The following EPHA6 variants were observed in gnomAD, a reference collection of about 807,000 sequenced individuals.
EPHA6 encodes the protein ephrin type-A receptor 6.
A neutral mutation model predicts 112.0 loss-of-function variants in EPHA6; 50 were observed. That is an observed-to-expected ratio of 0.45 (90% CI 0.36 to 0.56). EPHA6 has a LOEUF of 0.56. EPHA6 is among the 20% of genes least tolerant of loss of function. The probability of loss-of-function intolerance (pLI) is 0.00; values close to 1 mark genes in which losing one functional copy is unlikely to be tolerated. For missense variants in EPHA6, 1,280 were observed against 1,417.4 expected, an observed-to-expected ratio of 0.90 and a Z score of 1.56; for synonymous variants, 529 against 490.7, an observed-to-expected ratio of 1.08 and a Z score of -1.03.
rs143037411 is a variant in EPHA6, at chr3:97,212,683, A to G, written c.1115-13581A>G. On this transcript the variant is annotated intron_variant, in intron 3 of 17. Coordinates refer to ENST00000389672, the MANE Select transcript of EPHA6 (RefSeq NM_001080448.3). ...CTTGAGTGTATGTGCTTTTTTTCAA[A>G]TCATCTTTAACATATAAATTATAAA... Among the ~76,000 whole-genome samples the G allele has an allele frequency of 2.8e-3, 420 of 152,296 alleles. 6 individuals carry two copies. The highest frequency in any genetic ancestry group is 0.023 in the Admixed American group (353 of 15,288).
intron 3 of EPHA6, among the ~76,000 whole-genome samples, chr3:97,029,339 C>T (rs1282055240): frequency 6.6e-6 from 1 of 151,188 alleles, no homozygotes; most frequent in African/African-American, 2.4e-5. Flanking sequence ...TTTAAATCCC[C>T]TGTGATGTTT....
chr3:97,638,103 C>T lies in EPHA6; in HGVS notation c.2784+21C>T, dbSNP rs773994963. 25 of 1,541,468 alleles carry T rather than the reference C, an allele frequency of 1.6e-5. No homozygotes were observed. The South Asian group carries it at 2.8e-4, about 18-fold the overall frequency. On this transcript the variant is annotated intron_variant, in intron 14 of 17. Coordinates refer to ENST00000389672, the MANE Select transcript of EPHA6 (RefSeq NM_001080448.3). ...CAACTGTAAGTTTATATGCCCTTTC[C>T]TAATATAGTCTGTTTACTTTTATTG...
chr3:97,333,057 A>G (rs748531871), intron 5 of EPHA6, among the ~76,000 whole-genome samples: 6 of 152,078 alleles, frequency 3.9e-5, no homozygotes, highest in Admixed American at 1.3e-4. Context: ...GAAAATTAAC[A>G]TATTTACCAT....
intron 3 of EPHA6, among the ~76,000 whole-genome samples, chr3:97,128,678 G>T (rs1385368491): frequency 6.6e-6 from 1 of 151,892 alleles, no homozygotes; most frequent in Non-Finnish European, 1.5e-5. Context: ...ACCACGCCTG[G>T]CTAATTTTGG....
intron 16 of EPHA6, among the ~76,000 whole-genome samples, chr3:97,743,558 T>C (rs1319898356): frequency 6.6e-6 from 1 of 152,104 alleles, no homozygotes; most frequent in Non-Finnish European, 1.5e-5. Context: ...TATAGAATAG[T>C]ATGCACCCAT....
intron 14 of EPHA6, chr3:97,648,436 A>T: frequency 2.9e-6 from 4 of 1,391,126 alleles, no homozygotes; most frequent in Non-Finnish European, 3.7e-6. Context: ...AAGGTATTTA[A>T]TGTGTATTTT....
intron 9 of EPHA6, among the ~76,000 whole-genome samples, chr3:97,480,967 G>A (rs1385469977): frequency 6.6e-6 from 1 of 152,012 alleles, no homozygotes; most frequent in Non-Finnish European, 1.5e-5. Context: ...TGGCGGCCGG[G>A]AAGAGGCGCT....
intron 14 of EPHA6, among the ~76,000 whole-genome samples, chr3:97,708,127 A>C (rs2033778794): frequency 6.6e-6 from 1 of 152,210 alleles, no homozygotes; most frequent in African/African-American, 2.4e-5. Context: ...AGGGCTCAGA[A>C]GGAGACAGAA....
intron 7 of EPHA6, among the ~76,000 whole-genome samples, chr3:97,453,876 A>G (rs915000990): frequency 6.6e-6 from 1 of 151,650 alleles, no homozygotes. Context: ...CATTTGATGA[A>G]TTTTTCTAAA....
At chr3:97,055,380 AG>A (rs1011127427) in intron 3 of EPHA6, among the ~76,000 whole-genome samples, 3 of 152,132 alleles carry the variant, frequency 2.0e-5, no homozygotes, top group African/African-American at 7.2e-5. Flanking sequence ...CCTCATCCAT[AG>A]GGGGAACTTG....
intron 10 of EPHA6, among the ~76,000 whole-genome samples, chr3:97,515,020 A>G (rs1298645200): frequency 6.6e-6 from 1 of 152,250 alleles, no homozygotes; most frequent in Non-Finnish European, 1.5e-5. Context: ...CAAGACTTCC[A>G]GGATTCAAGG....
intron 2 of EPHA6, among the ~76,000 whole-genome samples, chr3:96,973,650 C>A (rs1048629389): frequency 3.3e-4 from 50 of 150,466 alleles, no homozygotes; most frequent in African/African-American, 1.1e-3. Context: ...ATGGTGAAAC[C>A]CTGTCTCTAC....
intron 16 of EPHA6, among the ~76,000 whole-genome samples, chr3:97,741,022 TC>T (rs772276208): frequency 2.0e-5 from 3 of 152,014 alleles, no homozygotes; most frequent in Non-Finnish European, 2.9e-5. Flanking sequence ...GAAAGATGGA[TC>T]AGGAGATTTG....
Position 97,510,369 on chromosome 3 carries a change from C to T in EPHA6, c.2201-21989C>T, listed in dbSNP as rs536830411. ...TGTTGGTGACCTTAGGATGGGGTTT[C>T]TGTGTGGACATCCTTTTTGTTGGTG... On this transcript the variant is annotated intron_variant, in intron 10 of 17. Coordinates refer to ENST00000389672, the MANE Select transcript of EPHA6 (RefSeq NM_001080448.3). 2.2e-3 allele frequency among the ~76,000 whole-genome samples: 331 copies of T among 152,182 alleles called. 1 individual carries two copies. Among genetic ancestry groups the T allele is most frequent in the Non-Finnish European group, 2.1e-3 (141 of 68,000 alleles).
chr3:97,036,867 G>A (rs527523484), intron 3 of EPHA6, among the ~76,000 whole-genome samples: 1 of 151,940 alleles, frequency 6.6e-6, no homozygotes, highest in South Asian at 2.1e-4. Context: ...CTGATTGTTG[G>A]CTGCTGATAG....
At chr3:97,566,018 CAAA>C (rs59606297) in intron 11 of EPHA6, among the ~76,000 whole-genome samples, 7 of 81,698 alleles carry the variant, frequency 8.6e-5, no homozygotes, top group Non-Finnish European at 5.5e-5. Flanking sequence ...GACACCGTCT[CAAA>C]AAAAAAAAAA....
intron 3 of EPHA6, among the ~76,000 whole-genome samples, chr3:97,171,408 G>A (rs2076696941): frequency 6.6e-6 from 1 of 152,026 alleles, no homozygotes; most frequent in Non-Finnish European, 1.5e-5. Context: ...GAATCTAGGG[G>A]GGAGGAAGAG....
At chr3:97,595,078 A>G (rs1203911519) in intron 12 of EPHA6, among the ~76,000 whole-genome samples, 3 of 152,268 alleles carry the variant, frequency 2.0e-5, no homozygotes, top group South Asian at 2.1e-4. Context: ...ATTAAAAAGC[A>G]GTATTTCTAT....
intron 14 of EPHA6, among the ~76,000 whole-genome samples, chr3:97,659,082 C>G (rs991250579): frequency 2.6e-5 from 4 of 151,916 alleles, no homozygotes; most frequent in Non-Finnish European, 5.9e-5. Flanking sequence ...GAGGAAGGAG[C>G]AAATGAAATT....
Sources: gnomAD v4.1 joint callset for allele counts (sites outside exome capture counted in the v4.1 genomes callset) on GRCh38, gnomAD v4.1.1 for gene constraint, MANE v1.5 for transcripts, NCBI Gene and HGNC (gene_info 2026-07-23, HGNC 2026-07-21) for gene names.